SLC44A5: variants seen among roughly 807,000 people sequenced by gnomAD.
SLC44A5 encodes choline transporter-like protein 5.
A neutral mutation model predicts 101.8 loss-of-function variants in SLC44A5; 57 were observed. The observed-to-expected ratio is 0.56, with a 90% CI of 0.45 to 0.70. The LOEUF is 0.70. SLC44A5 is among the 30% of genes least tolerant of loss of function. The pLI is 0.00. For synonymous variants in SLC44A5, 281 were observed against 290.9 expected (o/e 0.97, Z 0.35); for missense variants, 737 against 853.1 (o/e 0.86, Z 1.70).
chr1:75,633,044 A>T, the SLC44A5 span, among the ~76,000 whole-genome samples: 1 of 152,056 alleles, frequency 6.6e-6, no homozygotes, highest in African/African-American at 2.4e-5. Context: ...CTATACACAC[A>T]CTCTGATCTA....
At chr1:75,364,230 A>G (rs1659700307) in intron 3 of SLC44A5, among the ~76,000 whole-genome samples, 1 of 152,142 alleles carries the variant, frequency 6.6e-6, no homozygotes, top group South Asian at 2.1e-4. Context: ...GAGACTGGGT[A>G]ATTTATAAAG....
chr1:75,444,569 A>C, intron 2 of SLC44A5, among the ~76,000 whole-genome samples: 1 of 151,226 alleles, frequency 6.6e-6, no homozygotes, highest in Non-Finnish European at 1.5e-5. Flanking sequence ...TTTTATTGTT[A>C]TTTTTGCTTT....
intron 1 of SLC44A5, among the ~76,000 whole-genome samples, chr1:75,572,147 A>G (rs995307953): frequency 6.6e-6 from 1 of 152,196 alleles, no homozygotes; most frequent in Non-Finnish European, 1.5e-5. Context: ...TAACTTAAGG[A>G]TGTAAGCCAT....
intron 3 of SLC44A5, among the ~76,000 whole-genome samples, chr1:75,343,878 C>CAAAT (rs1190938157): frequency 6.6e-6 from 1 of 152,096 alleles, no homozygotes; most frequent in Non-Finnish European, 1.5e-5. Flanking sequence ...TAAGTCCCAC[C>CAAAT]AAATAATAAG....
chr1:75,243,007 C>T lies in SLC44A5; in HGVS notation c.350G>A (p.Cys117Tyr), dbSNP rs1648777106. 22 of 1,610,884 alleles carry T rather than the reference C, an allele frequency of 1.4e-5. No individual in the cohort carries two copies. Among genetic ancestry groups the T allele is most frequent in the Non-Finnish European group, 1.8e-5 (21 of 1,178,598 alleles). ...AAATTTTTCTGGGCACTTGGAGACA[C>T]AGATCTGTGAACGAACAAAGTGATG... ...LNLQCPTTQICVSKCPEKFLT... is the reference protein window; with the variant it reads ...LNLQCPTTQIYVSKCPEKFLT... Residue 117 changes from cysteine to tyrosine, a missense_variant, in exon 8 of 24, where the codon TGT becomes TAT. This residue lies in a region of SLC44A5 where 665 missense variants were observed against 764.4 expected (regional missense o/e 0.87). Coordinates refer to ENST00000370859, the MANE Select transcript of SLC44A5 (RefSeq NM_001130058.2).
intron 3 of SLC44A5, among the ~76,000 whole-genome samples, chr1:75,386,754 C>A (rs951812609): frequency 6.7e-6 from 1 of 148,678 alleles, no homozygotes; most frequent in African/African-American, 2.5e-5. Flanking sequence ...ATCGCCAAGG[C>A]AATCCTAAGC....
intron 2 of SLC44A5, among the ~76,000 whole-genome samples, chr1:75,448,510 T>A (rs948367762): frequency 6.6e-6 from 1 of 152,204 alleles, no homozygotes; most frequent in Non-Finnish European, 1.5e-5. Flanking sequence ...TATCTCTAAA[T>A]GGAAGAAAGG....
chr1:75,383,581 T>A (rs1290014319), intron 3 of SLC44A5, among the ~76,000 whole-genome samples: 2 of 152,094 alleles, frequency 1.3e-5, no homozygotes, highest in African/African-American at 4.8e-5. Flanking sequence ...TACGTCTGAT[T>A]GGTGTACCTG....
intron 2 of SLC44A5, among the ~76,000 whole-genome samples, chr1:75,416,979 T>C (rs958766021): frequency 2.6e-5 from 4 of 152,196 alleles, no homozygotes; most frequent in Non-Finnish European, 5.9e-5. Context: ...GATGAGACTT[T>C]GGACTGTGGA....
chr1:75,249,060 C>A (rs187497646), intron 7 of SLC44A5, among the ~76,000 whole-genome samples: 247 of 152,080 alleles, frequency 1.6e-3, no homozygotes, highest in African/African-American at 5.6e-3. Flanking sequence ...ATTGAGATTA[C>A]AAAGGGTAGC....
intron 3 of SLC44A5, among the ~76,000 whole-genome samples, chr1:75,391,971 T>C (rs903270822): frequency 2.0e-5 from 3 of 152,100 alleles, no homozygotes; most frequent in Non-Finnish European, 4.4e-5. Context: ...CTGGGCAACA[T>C]AGTGAGACCC....
the SLC44A5 span, among the ~76,000 whole-genome samples, chr1:75,682,557 G>C: frequency 3.3e-5 from 5 of 152,114 alleles, no homozygotes; most frequent in African/African-American, 7.2e-5. Flanking sequence ...GACATATGTA[G>C]AAAGCTGAAA....
At chr1:75,447,231 T>G (rs1665638559) in intron 2 of SLC44A5, among the ~76,000 whole-genome samples, 1 of 152,184 alleles carries the variant, frequency 6.6e-6, no homozygotes, top group African/African-American at 2.4e-5. Flanking sequence ...GGAGAGAAGG[T>G]ATAAAATATT....
intron 2 of SLC44A5, among the ~76,000 whole-genome samples, chr1:75,537,040 A>ATATATATATATC (rs1358733156): frequency 7.6e-6 from 1 of 131,554 alleles, no homozygotes; most frequent in Admixed American, 8.3e-5. Flanking sequence ...AAAAATATAT[A>ATATATATATATC]TCTATGCCAA....
At chr1:75,271,650 TC>T (rs1334894685) in intron 6 of SLC44A5, among the ~76,000 whole-genome samples, 8 of 152,216 alleles carry the variant, frequency 5.3e-5, no homozygotes, top group South Asian at 2.1e-4. Flanking sequence ...ATTATTTCAT[TC>T]CTTTTTATGG....
chr1:75,437,833 G>A (rs977269903), intron 2 of SLC44A5, among the ~76,000 whole-genome samples: 11 of 152,138 alleles, frequency 7.2e-5, no homozygotes, highest in African/African-American at 2.4e-4. Flanking sequence ...TTTCTGAGGA[G>A]AGATTGTTAA....
chr1:75,245,696 AAAAG>A (rs1649045826), intron 7 of SLC44A5, among the ~76,000 whole-genome samples: 1 of 152,140 alleles, frequency 6.6e-6, no homozygotes, highest in South Asian at 2.1e-4. Flanking sequence ...TGCAACACAT[AAAAG>A]AAAGTAATTA....
At chr1:75,380,792 T>C (rs1467650334) in intron 3 of SLC44A5, among the ~76,000 whole-genome samples, 3 of 82,276 alleles carry the variant, frequency 3.6e-5, no homozygotes, top group Admixed American at 1.2e-4. Flanking sequence ...GTCACATGGA[T>C]GGATAATCCT....
chr1:75,299,093 C>T (rs976735017), intron 5 of SLC44A5, among the ~76,000 whole-genome samples: 1 of 151,856 alleles, frequency 6.6e-6, no homozygotes, highest in African/African-American at 2.4e-5. Context: ...AAGATGTGTC[C>T]CAAAGTGAGA....
Sources: allele counts gnomAD v4.1 joint callset (sites outside exome capture counted in the v4.1 genomes callset), GRCh38; gene constraint gnomAD v4.1.1; regional missense constraint gnomAD v4.1.1; transcripts MANE v1.5; gene names NCBI Gene and HGNC (gene_info 2026-07-23, HGNC 2026-07-21).